ARHGAP25: variants seen among roughly 807,000 people sequenced by gnomAD.
ARHGAP25 encodes the protein rho GTPase-activating protein 25.
ARHGAP25 carries 34 observed loss-of-function variants against 71.0 expected under a neutral mutation model. The ratio of observed to expected loss-of-function variants is 0.48; its 90% CI spans 0.36 to 0.64. The LOEUF (loss-of-function observed/expected upper bound fraction) is 0.64. ARHGAP25 is among the 30% of genes least tolerant of loss of function. ARHGAP25 has a pLI of 0.00. For missense variants in ARHGAP25, 706 were observed against 805.1 expected (o/e 0.88, Z 1.49); for synonymous variants, 282 against 296.5 (o/e 0.95, Z 0.50).
At chr2:68,738,689 C>T (rs949557958) in intron 1 of ARHGAP25, among the ~76,000 whole-genome samples, 4 of 151,974 alleles carry the variant, frequency 2.6e-5, no homozygotes, top group Admixed American at 1.3e-4. Context: ...GGCATGGTGG[C>T]GGGCACCTGT....
chr2:68,787,968 T>C lies in ARHGAP25; in HGVS notation c.466+12T>C, dbSNP rs573844681. The C allele has an allele frequency of 6.2e-7, 1 of 1,606,678 alleles. No individual in the cohort carries two copies. The highest frequency in any genetic ancestry group is 1.7e-5 in the Admixed American group (1 of 60,010). ...CACACCCTGTGGAGGTAAGGACCCC[T>C]GCAGGCTTTCCTGGGCAGGTGCCTA... On this transcript the variant is annotated intron_variant, in intron 4 of 10. Transcript: ENST00000409202.
At chr2:68,728,167 G>A (rs542983429) in intron 2 of ARHGAP25, among the ~76,000 whole-genome samples, 17 of 152,304 alleles carry the variant, frequency 1.1e-4, no homozygotes, top group African/African-American at 3.4e-4. Flanking sequence ...GATGTTTCAC[G>A]AAGCAGGAAT....
At chr2:68,815,481 G>C (rs6546440) in intron 6 of ARHGAP25, among the ~76,000 whole-genome samples, 71,626 of 131,330 alleles carry the variant, frequency 0.55, 19,625 homozygotes, top group East Asian at 0.87. Flanking sequence ...GATGGAGTTT[G>C]GCTCTTTCGC....
At chr2:68,797,051 C>T (rs532879985) in intron 4 of ARHGAP25, among the ~76,000 whole-genome samples, 32 of 152,196 alleles carry the variant, frequency 2.1e-4, no homozygotes, top group African/African-American at 7.5e-4. Context: ...ACCTCTGTTC[C>T]CCAGAAGAGG....
At position 68,826,773 on chromosome 2, in the gene ARHGAP25, T is replaced by C. The variant is rs1682164638; in HGVS notation, c.*579T>C. 1 of 155,948 alleles carries C rather than the reference T, an allele frequency of 6.4e-6. No individual in the cohort carries two copies. Among genetic ancestry groups the C allele is most frequent in the South Asian group, 1.9e-4 (1 of 5,278 alleles). The allele number at this position is 155,948 out of a possible 1,614,324, so 9.7% of individuals were successfully genotyped here. On this transcript the variant is annotated 3_prime_UTR_variant, in exon 11 of 11. Coordinates refer to ENST00000409202, the MANE Select transcript of ARHGAP25 (RefSeq NM_001007231.3). ...AAACCAGAACAAGCAACAAACTGTA[T>C]TTATGCAAGCAAAATTGATGAGAAA...
intron 1 of ARHGAP25, among the ~76,000 whole-genome samples, chr2:68,763,804 T>G (rs374238099): frequency 1.3e-5 from 2 of 152,204 alleles, no homozygotes; most frequent in East Asian, 3.8e-4. Context: ...CTCTTCACTG[T>G]TTCCATGGTG....
intron 1 of ARHGAP25, chr2:68,757,718 G>T (rs1315243771): frequency 6.6e-6 from 1 of 152,050 alleles, no homozygotes; most frequent in East Asian, 1.9e-4. Context: ...AAGAAAAAAA[G>T]ATCTCAGCAA....
At chr2:68,766,036 G>A (rs1329711904) in intron 1 of ARHGAP25, among the ~76,000 whole-genome samples, 1 of 152,126 alleles carries the variant, frequency 6.6e-6, no homozygotes, top group East Asian at 1.9e-4. Flanking sequence ...ATTCATCCAT[G>A]CTTATGCAAT....
intron 4 of ARHGAP25, among the ~76,000 whole-genome samples, chr2:68,788,344 C>T (rs1678907766): frequency 6.6e-6 from 1 of 152,212 alleles, no homozygotes; most frequent in Admixed American, 6.5e-5. Context: ...CATGCAGCAC[C>T]ACGAGTCTGC....
At chr2:68,817,600 C>T (rs1257419936) in intron 7 of ARHGAP25, among the ~76,000 whole-genome samples, 1 of 152,180 alleles carries the variant, frequency 6.6e-6, no homozygotes, top group South Asian at 2.1e-4. Flanking sequence ...GTCTGAGCTC[C>T]TGGAAGTGGA....
At chr2:68,718,562 GATAA>G (rs1382562247) in intron 2 of ARHGAP25, among the ~76,000 whole-genome samples, 7 of 151,912 alleles carry the variant, frequency 4.6e-5, no homozygotes, top group Admixed American at 6.6e-5. Flanking sequence ...TGTATAGATA[GATAA>G]ATAGATAGAT....
At chr2:68,816,267 A>G (rs1558660727) in intron 6 of ARHGAP25, 22 bp from the exon 7 acceptor site, 2 of 1,602,302 alleles carry the variant, frequency 1.2e-6, no homozygotes, top group South Asian at 1.1e-5. Flanking sequence ...TAAATGATTT[A>G]CTTGTGTAAA....
intron 2 of ARHGAP25, among the ~76,000 whole-genome samples, chr2:68,713,026 T>G (rs1674524424): frequency 6.6e-6 from 1 of 152,176 alleles, no homozygotes; most frequent in African/African-American, 2.4e-5. Flanking sequence ...TTCAAAGTAG[T>G]TTTTTCTAAT....
At position 68,817,918 on chromosome 2, in the gene ARHGAP25, T is replaced by C. The variant is rs762412291; in HGVS notation, c.927T>C (p.Ser309=). ...TGAACTGTGCTGTTAACAAGATGAG[T>C]GTGGACAACCTGGCTACTGTGATTG... ...IQLNCAVNKM[S]VDNLATVIGV... Residue 309 remains serine, a synonymous_variant, in exon 8 of 11, where the codon AGT becomes AGC. Transcript: ENST00000409202. The C allele has an allele frequency of 1.9e-6, 3 of 1,613,996 alleles. No individual in the cohort carries two copies. The highest frequency in any genetic ancestry group is 2.5e-6 in the Non-Finnish European group (3 of 1,179,940).
intron 1 of ARHGAP25, among the ~76,000 whole-genome samples, chr2:68,740,294 A>T (rs1259746723): frequency 6.6e-6 from 1 of 152,202 alleles, no homozygotes; most frequent in African/African-American, 2.4e-5. Flanking sequence ...TCTTTCTCAC[A>T]GTGATTTTCC....
At chr2:68,750,426 G>A (rs1429792615) in intron 1 of ARHGAP25, among the ~76,000 whole-genome samples, 9 of 149,626 alleles carry the variant, frequency 6.0e-5, no homozygotes, top group East Asian at 4.0e-4. Flanking sequence ...TAGTTCAAGC[G>A]ATTCTCCTGC....
At chr2:68,779,313 A>T (rs1367773546) in intron 2 of ARHGAP25, among the ~76,000 whole-genome samples, 2 of 152,224 alleles carry the variant, frequency 1.3e-5, no homozygotes, top group African/African-American at 4.8e-5. Context: ...CAATAGCACC[A>T]CATTATATAG....
chr2:68,762,368 A>AGTT (rs1304147554), intron 1 of ARHGAP25, among the ~76,000 whole-genome samples: 5 of 152,226 alleles, frequency 3.3e-5, no homozygotes, highest in Admixed American at 1.3e-4. Context: ...AATCAAAAAT[A>AGTT]AGATAGTAAA....
chr2:68,779,203 A>T (rs1340326210), intron 2 of ARHGAP25, among the ~76,000 whole-genome samples: 1 of 152,210 alleles, frequency 6.6e-6, no homozygotes, highest in Non-Finnish European at 1.5e-5. Flanking sequence ...AGCCGATTGA[A>T]GGGCAACATT....
Sources: allele counts gnomAD v4.1 joint callset (sites outside exome capture counted in the v4.1 genomes callset), GRCh38; gene constraint gnomAD v4.1.1; transcripts MANE v1.5; gene names NCBI Gene and HGNC (gene_info 2026-07-23, HGNC 2026-07-21).